CFAP54: variants seen among roughly 807,000 people sequenced by gnomAD.
The protein encoded by CFAP54 is cilia- and flagella-associated protein 54.
CFAP54 carries 290 observed loss-of-function variants against 370.4 expected under a neutral mutation model. That is an observed-to-expected ratio of 0.78 (90% CI 0.71 to 0.86). The LOEUF is 0.86. CFAP54 is among the 40% of genes least tolerant of loss of function. CFAP54 has a pLI of 0.00. For synonymous variants in CFAP54, 1,206 were observed against 1,236.5 expected, an observed-to-expected ratio of 0.98 and a Z score of 0.52; for missense variants, 3,399 against 3,528.7, an observed-to-expected ratio of 0.96 and a Z score of 0.93.
At chr12:96,723,592 A>C (rs1957786068) in intron 50 of CFAP54, among the ~76,000 whole-genome samples, 1 of 152,128 alleles carries the variant, frequency 6.6e-6, no homozygotes, top group Non-Finnish European at 1.5e-5. Flanking sequence ...TGCTTGGGAA[A>C]GATTATGTTT....
intron 20 of CFAP54, among the ~76,000 whole-genome samples, chr12:96,579,674 A>G (rs1956012839): frequency 6.6e-6 from 1 of 152,132 alleles, no homozygotes; most frequent in South Asian, 2.1e-4. Context: ...AACCCTCAGC[A>G]GTATGGCTTG....
chr12:96,596,246 G>A (rs766660847), intron 25 of CFAP54, among the ~76,000 whole-genome samples: 20 of 152,114 alleles, frequency 1.3e-4, no homozygotes, highest in Non-Finnish European at 2.4e-4. Context: ...TCAATTGGCT[G>A]AGTTTACGGT....
intron 67 of CFAP54, among the ~76,000 whole-genome samples, chr12:96,874,482 CT>C (rs1960243012): frequency 6.6e-6 from 1 of 151,998 alleles, no homozygotes; most frequent in African/African-American, 2.4e-5. Flanking sequence ...AAAATAAAAC[CT>C]GATTGGTTAA....
In CFAP54 at chr12:96,626,953, T is replaced by C; in HGVS notation, c.4103+14T>C. The C allele has an allele frequency of 7.5e-7, 1 of 1,337,904 alleles. No homozygotes were observed. Among genetic ancestry groups the C allele is most frequent in the Non-Finnish European group, 9.7e-7 (1 of 1,035,980 alleles). 82.9% of individuals were successfully genotyped at this position (1,337,904 alleles called of 1,614,324 possible). ...CTTCTTGAAAAGGTACTTGCAATTA[T>C]CAGTGTTATACATGTTAACAACTTT... is the stretch of plus-strand genomic sequence containing the variant. On this transcript the variant is annotated intron_variant, in intron 30 of 67. Transcript: ENST00000524981.
chr12:96,585,925 T>G (rs1956072956), intron 22 of CFAP54, among the ~76,000 whole-genome samples: 1 of 152,170 alleles, frequency 6.6e-6, no homozygotes, highest in African/African-American at 2.4e-5. Context: ...TCATCAGTCT[T>G]AACATCAGAA....
chr12:96,745,352 T>C (rs1376699055), intron 55 of CFAP54, among the ~76,000 whole-genome samples: 1 of 152,158 alleles, frequency 6.6e-6, no homozygotes, highest in Non-Finnish European at 1.5e-5. Flanking sequence ...GCATCTGTTG[T>C]TTTTTGACTT....
At chr12:96,760,362 C>A (rs1412025349) in intron 58 of CFAP54, among the ~76,000 whole-genome samples, 1 of 152,122 alleles carries the variant, frequency 6.6e-6, no homozygotes, top group Non-Finnish European at 1.5e-5. Context: ...CAGAGTTGTT[C>A]AACAATCACC....
chr12:96,561,773 CTTTT>C lies in CFAP54; in HGVS notation c.2411-2679_2411-2676del, dbSNP rs376442763. Among the ~76,000 whole-genome samples, 6 of 94,852 alleles carry C rather than the reference CTTTT, an allele frequency of 6.3e-5. No homozygotes were observed. In the Admixed American group the frequency reaches 8.5e-4, roughly 14 times the overall value. The allele number at this position is 94,852 out of a possible 152,430, so 62.2% of individuals were successfully genotyped here. On this transcript the variant is annotated intron_variant, in intron 17 of 67. Coordinates refer to ENST00000524981, the MANE Select transcript of CFAP54 (RefSeq NM_001306084.2). ...TGTATATATATTTAAATCACAAGTT[CTTTT>C]TTTTTTTTTTTTTTTGAGATGGAGT...
chr12:96,857,162 C>T (rs1203903188), intron 66 of CFAP54, among the ~76,000 whole-genome samples: 1 of 152,176 alleles, frequency 6.6e-6, no homozygotes, highest in Non-Finnish European at 1.5e-5. Flanking sequence ...TTACCTCCCA[C>T]CGGGTCCCTC....
chr12:96,838,254 C>G (rs1172444700), intron 66 of CFAP54, among the ~76,000 whole-genome samples: 4 of 150,960 alleles, frequency 2.6e-5, no homozygotes, highest in African/African-American at 9.8e-5. Flanking sequence ...GAGAATGAGA[C>G]AAATCCTAAA....
chr12:96,666,400 T>G (rs1957080880), intron 39 of CFAP54, among the ~76,000 whole-genome samples: 1 of 152,198 alleles, frequency 6.6e-6, no homozygotes, highest in Non-Finnish European at 1.5e-5. Context: ...AGCCCTGGAT[T>G]AGTCAGTTCT....
At chr12:96,696,776 G>A (rs558402527) in intron 45 of CFAP54, among the ~76,000 whole-genome samples, 22 of 152,268 alleles carry the variant, frequency 1.4e-4, no homozygotes, top group African/African-American at 5.1e-4. Flanking sequence ...CAGAAGCAGT[G>A]AAAGAGGACA....
intron 32 of CFAP54, among the ~76,000 whole-genome samples, chr12:96,631,269 C>G (rs1956604930): frequency 6.6e-6 from 1 of 151,770 alleles, no homozygotes; most frequent in Non-Finnish European, 1.5e-5. Flanking sequence ...AATATAACAA[C>G]TATGCAACTT....
At chr12:96,665,757 C>T (rs190761070) in intron 39 of CFAP54, among the ~76,000 whole-genome samples, 13 of 152,250 alleles carry the variant, frequency 8.5e-5, no homozygotes, top group Non-Finnish European at 1.5e-4. Flanking sequence ...TAGTGTGATG[C>T]CTCCAGCTTT....
chr12:96,611,151 T>C (rs1188602247), intron 26 of CFAP54, among the ~76,000 whole-genome samples: 1 of 152,234 alleles, frequency 6.6e-6, no homozygotes, highest in African/African-American at 2.4e-5. Flanking sequence ...AGGGGCAGAC[T>C]GACACCTCAC....
intron 48 of CFAP54, among the ~76,000 whole-genome samples, chr12:96,717,749 ATGCTTCC>A (rs1957701609): frequency 6.6e-6 from 1 of 152,216 alleles, no homozygotes. Context: ...AGCAGAACTG[ATGCTTCC>A]ATGGAGATCT....
intron 12 of CFAP54, among the ~76,000 whole-genome samples, chr12:96,536,690 G>A (rs1179215214): frequency 6.7e-6 from 1 of 148,422 alleles, no homozygotes; most frequent in Non-Finnish European, 1.5e-5. Flanking sequence ...GCAGTGGTGC[G>A]ATCTCAGCTC....
At chr12:96,523,987 C>T (rs1382393495) in intron 8 of CFAP54, among the ~76,000 whole-genome samples, 2 of 151,708 alleles carry the variant, frequency 1.3e-5, no homozygotes, top group African/African-American at 4.8e-5. Context: ...GTCAACACAT[C>T]CTTTTTATAA....
chr12:96,621,875 G>GTTTTTGTTTTT (rs1956496574), intron 27 of CFAP54, among the ~76,000 whole-genome samples, 154 bp downstream of exon 27: 2 of 50,020 alleles, frequency 4.0e-5, no homozygotes, highest in African/African-American at 8.6e-5. Flanking sequence ...TTTTGGGTTT[G>GTTTTTGTTTTT]TTTTTTTTTT....
Sources: allele counts gnomAD v4.1 joint callset (sites outside exome capture counted in the v4.1 genomes callset), GRCh38; gene constraint gnomAD v4.1.1; transcripts MANE v1.5; gene names NCBI Gene and HGNC (gene_info 2026-07-23, HGNC 2026-07-21).